The following DNAAF4 variants were observed in gnomAD, a reference collection of about 807,000 sequenced individuals.
The protein encoded by DNAAF4 is dynein axonemal assembly factor 4, also known as dynein assembly factor 4, axonemal.
In DNAAF4, 43 loss-of-function variants were observed where a neutral mutation model predicts 51.8. The observed-to-expected ratio is 0.83, with a 90% CI of 0.65 to 1.07. The LOEUF is 1.07. Among genes scored for constraint, DNAAF4 ranks in the 50% least tolerant of loss-of-function variants. DNAAF4 has a pLI of 0.00. For synonymous variants in DNAAF4, 194 were observed against 165.6 expected (o/e 1.17, Z -1.32); for missense variants, 581 against 493.0 (o/e 1.18, Z -1.69).
At chr15:55,494,962 T>A (rs1411492167) in intron 3 of DNAAF4, among the ~76,000 whole-genome samples, 3 of 152,156 alleles carry the variant, frequency 2.0e-5, no homozygotes, top group Non-Finnish European at 4.4e-5. Flanking sequence ...CAGAGCTGAA[T>A]AGATATGACA....
chr15:55,470,322 G>A lies in DNAAF4; in HGVS notation c.406-3161C>T, dbSNP rs560215977. On this transcript the variant is annotated intron_variant, in intron 4 of 9. Coordinates refer to ENST00000321149, the MANE Select transcript of DNAAF4 (RefSeq NM_130810.4). Reference sequence around the variant, plus strand: ...CCGCCTAGGCCTCCCAAAGTGCTGGGATTACAGGCGTGAGCCACCGCGCCC... The same window carrying A: ...CCGCCTAGGCCTCCCAAAGTGCTGGAATTACAGGCGTGAGCCACCGCGCCC... Among the ~76,000 whole-genome samples, 14 of 152,196 alleles carry A rather than the reference G, an allele frequency of 9.2e-5. No individual in the cohort carries two copies. In the East Asian group the frequency reaches 2.7e-3, roughly 29 times the overall value.
At chr15:55,441,775 G>A (rs2057718548) in intron 6 of DNAAF4, among the ~76,000 whole-genome samples, 1 of 152,062 alleles carries the variant, frequency 6.6e-6, no homozygotes, top group Non-Finnish European at 1.5e-5. Flanking sequence ...AGTATTCCAT[G>A]GTGTCTATGT....
At chr15:55,484,585 G>C (rs566971651) in intron 4 of DNAAF4, among the ~76,000 whole-genome samples, 176 of 152,152 alleles carry the variant, frequency 1.2e-3, no homozygotes, top group Non-Finnish European at 1.9e-3. Context: ...ATTTCAAAGG[G>C]ATATTTTTAT....
chr15:55,458,685 A>G (rs2058053418), intron 5 of DNAAF4, among the ~76,000 whole-genome samples: 1 of 152,204 alleles, frequency 6.6e-6, no homozygotes, highest in African/African-American at 2.4e-5. Flanking sequence ...CAAGAAGCTC[A>G]AAGAACACCC....
At chr15:55,455,826 T>C (rs1419348770) in intron 5 of DNAAF4, among the ~76,000 whole-genome samples, 1 of 152,156 alleles carries the variant, frequency 6.6e-6, no homozygotes, top group African/African-American at 2.4e-5. Context: ...GCAGACCAGA[T>C]CTGGGTTCAA....
At chr15:55,490,639 T>C (rs142650690) in intron 4 of DNAAF4, among the ~76,000 whole-genome samples, 101 of 152,302 alleles carry the variant, frequency 6.6e-4, no homozygotes, top group Middle Eastern at 3.4e-3. Context: ...TTTTACACCT[T>C]TGACTTTCAT....
Position 55,430,758 on chromosome 15 carries a change from G to A in DNAAF4, c.1175C>T (p.Ala392Val). ...TTTGTTGGATGGATCAATCTTAAGT[G>A]CCGCTTCATAATCCTGTAGGCCTGT... ...YVEGLQDYEA[A>V]LKIDPSNKIV... Residue 392 changes from alanine to valine, a missense_variant, in exon 10 of 10, where the codon GCA (alanine) becomes GTA (valine). Physicochemically the swap from Ala to Val is moderately conservative, Grantham distance 64 (BLOSUM62 0). Transcript: ENST00000321149. 1 of 1,613,090 alleles carries A rather than the reference G, an allele frequency of 6.2e-7. No individual in the cohort carries two copies. The highest frequency in any genetic ancestry group is 2.2e-5 in the East Asian group (1 of 44,746).
At chr15:55,485,495 C>A (rs149427103) in intron 4 of DNAAF4, among the ~76,000 whole-genome samples, 1 of 152,074 alleles carries the variant, frequency 6.6e-6, no homozygotes, top group Admixed American at 6.6e-5. Flanking sequence ...ATCAGGCAAA[C>A]CTCTTTCAAA....
At chr15:55,477,567 C>T (rs534772227) in intron 4 of DNAAF4, among the ~76,000 whole-genome samples, 3 of 151,490 alleles carry the variant, frequency 2.0e-5, no homozygotes, top group Non-Finnish European at 4.4e-5. Context: ...AGATTGTGAT[C>T]AGTTAAAGGA....
intron 4 of DNAAF4, among the ~76,000 whole-genome samples, chr15:55,470,011 A>G (rs923115159): frequency 2.0e-5 from 3 of 151,574 alleles, no homozygotes; most frequent in Non-Finnish European, 4.4e-5. Flanking sequence ...ATTTGCTTCA[A>G]TGGCTCACAG....
At chr15:55,488,353 A>G (rs1362707067) in intron 4 of DNAAF4, among the ~76,000 whole-genome samples, 1 of 152,198 alleles carries the variant, frequency 6.6e-6, no homozygotes, top group Admixed American at 6.6e-5. Context: ...TATTTTTGGT[A>G]GATGTCCTTC....
intron 7 of DNAAF4, among the ~76,000 whole-genome samples, chr15:55,421,909 ATAAT>A (rs1455227673): frequency 1.9e-5 from 2 of 106,254 alleles, no homozygotes; most frequent in Non-Finnish European, 3.5e-5. Context: ...TATAATAATA[ATAAT>A]AATAATAATA....
intron 4 of DNAAF4, among the ~76,000 whole-genome samples, chr15:55,469,068 C>T (rs148506637): frequency 0.038 from 5,785 of 152,110 alleles, 375 homozygotes; most frequent in African/African-American, 0.13. Context: ...CGGTGGCTCA[C>T]GCCTGAAATC....
chr15:55,423,035 T>G (rs2141382925), intron 7 of DNAAF4, among the ~76,000 whole-genome samples: 1 of 151,938 alleles, frequency 6.6e-6, no homozygotes, highest in South Asian at 2.1e-4. Flanking sequence ...TGTATTCCTC[T>G]CTACAAGAAG....
intron 3 of DNAAF4, among the ~76,000 whole-genome samples, chr15:55,494,275 C>T (rs966712639): frequency 4.6e-5 from 7 of 151,752 alleles, no homozygotes; most frequent in African/African-American, 9.7e-5. Context: ...ATGATCAGCC[C>T]GCCTCGGCCT....
chr15:55,458,286 A>T (rs1028814911), intron 5 of DNAAF4, among the ~76,000 whole-genome samples: 21 of 152,290 alleles, frequency 1.4e-4, no homozygotes, highest in South Asian at 2.1e-4. Context: ...AGAAATTTTT[A>T]AAAAAAGGAG....
intron 4 of DNAAF4, among the ~76,000 whole-genome samples, chr15:55,483,516 T>C (rs952424669): frequency 3.9e-5 from 6 of 152,128 alleles, no homozygotes; most frequent in African/African-American, 1.2e-4. Context: ...CTTTATGGTA[T>C]ATAAATTATA....
At chr15:55,433,874 ATTAC>A (rs1567000321) in intron 8 of DNAAF4, among the ~76,000 whole-genome samples, 818 of 29,716 alleles carry the variant, frequency 0.028, 12 homozygotes, top group Non-Finnish European at 0.037. Flanking sequence ...TATTATATAT[ATTAC>A]ATATATTATA....
chr15:55,477,660 G>GTATA (rs35040612), intron 4 of DNAAF4, among the ~76,000 whole-genome samples: 5 of 150,524 alleles, frequency 3.3e-5, no homozygotes, highest in East Asian at 1.9e-4. Flanking sequence ...GTGTGTGTGT[G>GTATA]TATATATATA....
Sources: gnomAD v4.1 joint callset for allele counts (sites outside exome capture counted in the v4.1 genomes callset) on GRCh38, gnomAD v4.1.1 for gene constraint, MANE v1.5 for transcripts, NCBI Gene and HGNC (gene_info 2026-07-23, HGNC 2026-07-21) for gene names.